Variants in RAB30 observed in about 807,000 individuals in gnomAD.
The protein encoded by RAB30 is ras-related protein Rab-30.
A neutral mutation model predicts 25.1 loss-of-function variants in RAB30; 9 were observed. The observed-to-expected ratio is 0.36, with a 90% CI of 0.22 to 0.63. The LOEUF (loss-of-function observed/expected upper bound fraction) is 0.63. RAB30 is among the 20% of genes least tolerant of loss of function. The pLI, the probability that RAB30 is intolerant of heterozygous loss-of-function variation, is 0.69. For missense variants in RAB30, 140 were observed against 243.5 expected (o/e 0.58, Z 2.83); for synonymous variants, 77 against 86.4 (o/e 0.89, Z 0.60).
intron 1 of RAB30, among the ~76,000 whole-genome samples, chr11:83,061,755 T>TGC (rs1383099527): frequency 6.7e-6 from 1 of 149,782 alleles, no homozygotes. Flanking sequence ...CTTACAACGT[T>TGC]GCCCAGGCTG....
intron 1 of RAB30, among the ~76,000 whole-genome samples, chr11:83,037,170 G>C (rs928166894): frequency 1.3e-5 from 2 of 152,078 alleles, no homozygotes; most frequent in Admixed American, 1.3e-4. Context: ...GAAAATACTT[G>C]AGGTGATACT....
At chr11:83,044,532 T>C (rs1858196294) in intron 1 of RAB30, among the ~76,000 whole-genome samples, 1 of 152,104 alleles carries the variant, frequency 6.6e-6, no homozygotes, top group African/African-American at 2.4e-5. Flanking sequence ...TTTTTAGAAA[T>C]ATCACTACAA....
intron 1 of RAB30, among the ~76,000 whole-genome samples, chr11:83,064,336 G>A (rs764912069): frequency 4.0e-4 from 61 of 152,142 alleles, no homozygotes; most frequent in Non-Finnish European, 7.9e-4. Context: ...TCAAAGTCCT[G>A]GACTCAAGCA....
At chr11:83,060,453 A>G (rs572731119) in intron 1 of RAB30, among the ~76,000 whole-genome samples, 2 of 152,206 alleles carry the variant, frequency 1.3e-5, no homozygotes, top group African/African-American at 2.4e-5. Flanking sequence ...GTGCCCTTTC[A>G]ATGGAGAGAT....
chr11:83,044,571 A>G lies in RAB30; in HGVS notation c.-9+27120T>C, dbSNP rs184627816. On this transcript the variant is annotated intron_variant, in intron 1 of 4. Coordinates refer to ENST00000527633, the MANE Select transcript of RAB30 (RefSeq NM_001286060.2). The stretch of plus-strand genomic sequence containing the variant: ...TGTTCAAAGATCTTTGAACTTCGAA[A>G]AAGTCCAGAGCAATCCCATGTATTA... 2.6e-5 allele frequency among the ~76,000 whole-genome samples: 4 copies of G among 152,338 alleles called. No homozygotes were observed. The East Asian group carries it at 7.7e-4, about 29-fold the overall frequency.
At chr11:83,003,831 TG>T (rs374969835) in intron 1 of RAB30, among the ~76,000 whole-genome samples, 23 of 152,216 alleles carry the variant, frequency 1.5e-4, no homozygotes, top group African/African-American at 5.3e-4. Flanking sequence ...TTCTATAGAA[TG>T]GTATTTTCCC....
chr11:83,021,721 C>T (rs1857583832), intron 1 of RAB30, among the ~76,000 whole-genome samples: 1 of 152,178 alleles, frequency 6.6e-6, no homozygotes, highest in Non-Finnish European at 1.5e-5. Context: ...AAAACTAGGG[C>T]AAAGGCGCCA....
rs1856617686 is a variant in RAB30 at position 82,980,434 on chromosome 11, T to G, written c.*1731A>C. ...CCTGCTAGAGAAATGCCAGAAATGC[T>G]TTATCCACATCATGTCTCTACATGA... On this transcript the variant is annotated 3_prime_UTR_variant, in exon 5 of 5. Coordinates refer to ENST00000527633, the MANE Select transcript of RAB30 (RefSeq NM_001286060.2). The G allele has an allele frequency of 6.6e-6, 1 of 152,204 alleles. No homozygotes were observed. Among genetic ancestry groups the G allele is most frequent in the African/African-American group, 2.4e-5 (1 of 41,450 alleles). 9.4% of individuals were successfully genotyped at this position (152,204 alleles called of 1,614,324 possible).
intron 2 of RAB30, among the ~76,000 whole-genome samples, chr11:82,996,128 T>A (rs1447647470): frequency 6.6e-6 from 1 of 152,240 alleles, no homozygotes; most frequent in Non-Finnish European, 1.5e-5. Context: ...CACGGCTTAG[T>A]AAAAAGCATG....
intron 1 of RAB30, among the ~76,000 whole-genome samples, chr11:83,065,552 T>G (rs1717255728): frequency 6.6e-6 from 1 of 152,298 alleles, no homozygotes. Context: ...TGAGCTACTA[T>G]GCCCAGCCCC....
intron 1 of RAB30, among the ~76,000 whole-genome samples, chr11:83,064,790 C>A (rs1364492786): frequency 6.6e-6 from 1 of 152,148 alleles, no homozygotes; most frequent in Non-Finnish European, 1.5e-5. Context: ...CAAATGGAAT[C>A]ATTATCACAT....
At position 82,975,021 on chromosome 11, in the gene RAB30, T is replaced by A. The variant is rs953828136; in HGVS notation, c.*7144A>T. On this transcript the variant is annotated 3_prime_UTR_variant, in exon 5 of 5. Transcript: ENST00000527633. ...CAAATACATTTATGTAGCTCCCTTA[T>A]ATACTATCAAAGGAGCTCCAACCAT... The A allele has an allele frequency of 1.3e-5, 2 of 151,446 alleles. No individual in the cohort carries two copies. The highest frequency in any genetic ancestry group is 2.4e-5 in the African/African-American group (1 of 41,290). 9.4% of individuals were successfully genotyped at this position (151,446 alleles called of 1,614,324 possible).
chr11:83,035,124 T>C (rs889487591), intron 1 of RAB30, among the ~76,000 whole-genome samples: 1 of 151,208 alleles, frequency 6.6e-6, no homozygotes, highest in Non-Finnish European at 1.5e-5. Flanking sequence ...ATGAGCAAAC[T>C]ATGGCTCAGA....
intron 1 of RAB30, among the ~76,000 whole-genome samples, chr11:83,007,122 C>T (rs77231888): frequency 1.9e-3 from 283 of 152,308 alleles, no homozygotes; most frequent in African/African-American, 6.0e-3. Context: ...CCTCAGGCCA[C>T]GCAGCATGTA....
chr11:83,043,007 C>A (rs1211432643), intron 1 of RAB30, among the ~76,000 whole-genome samples: 1 of 152,108 alleles, frequency 6.6e-6, no homozygotes, highest in Non-Finnish European at 1.5e-5. Flanking sequence ...GGTATTTGGA[C>A]AATATGGGTA....
At chr11:83,045,934 A>G (rs1163287642) in intron 1 of RAB30, among the ~76,000 whole-genome samples, 1 of 152,184 alleles carries the variant, frequency 6.6e-6, no homozygotes, top group Non-Finnish European at 1.5e-5. Context: ...GTTATAGCTA[A>G]GTGATCCTAA....
chr11:83,009,731 G>A (rs1217855255), intron 1 of RAB30, among the ~76,000 whole-genome samples: 2 of 152,120 alleles, frequency 1.3e-5, no homozygotes, highest in Non-Finnish European at 2.9e-5. Context: ...GGCAGGAATG[G>A]CATCCAAACA....
intron 1 of RAB30, among the ~76,000 whole-genome samples, chr11:83,031,242 G>A (rs933220003): frequency 3.6e-4 from 55 of 152,192 alleles, no homozygotes; most frequent in African/African-American, 1.3e-3. Flanking sequence ...CTAACACATA[G>A]ACTATCCGAA....
At chr11:83,048,656 T>C (rs779053764) in intron 1 of RAB30, among the ~76,000 whole-genome samples, 1 of 151,998 alleles carries the variant, frequency 6.6e-6, no homozygotes, top group Non-Finnish European at 1.5e-5. Flanking sequence ...TCAAAAAAAA[T>C]CTCTTTACTT....
Sources: gnomAD v4.1 joint callset for allele counts (sites outside exome capture counted in the v4.1 genomes callset) on GRCh38, gnomAD v4.1.1 for gene constraint, MANE v1.5 for transcripts, NCBI Gene and HGNC (gene_info 2026-07-23, HGNC 2026-07-21) for gene names.